The following AGAP1 variants were observed in gnomAD, a reference collection of about 807,000 sequenced individuals.
The protein encoded by AGAP1 is ArfGAP with GTPase domain, ankyrin repeat and PH domain 1, also known as arf-GAP with GTPase, ANK repeat and PH domain-containing protein 1.
Under a neutral mutation model 105.3 loss-of-function variants are expected in AGAP1, and 29 were observed. That is an observed-to-expected ratio of 0.28 (90% CI 0.21 to 0.38). The LOEUF (loss-of-function observed/expected upper bound fraction) is 0.38, where lower values mean the gene tolerates loss of function less well. Ranked by LOEUF, AGAP1 falls within the 10% of genes least tolerant of loss-of-function variation. The pLI, the probability that AGAP1 is intolerant of heterozygous loss-of-function variation, is 1.00. For missense variants in AGAP1, 998 were observed against 1,165.1 expected (o/e 0.86, Z 2.09); for synonymous variants, 509 against 485.9 (o/e 1.05, Z -0.63).
chr2:235,910,794 G>A (rs2125053677), intron 11 of AGAP1, among the ~76,000 whole-genome samples: 1 of 152,198 alleles, frequency 6.6e-6, no homozygotes, highest in East Asian at 1.9e-4. Context: ...ATGTGCGCCT[G>A]TAATTCCAGC....
intron 12 of AGAP1, among the ~76,000 whole-genome samples, chr2:235,952,468 G>A (rs2053778301): frequency 6.6e-6 from 1 of 152,100 alleles, no homozygotes; most frequent in African/African-American, 2.4e-5. Context: ...TACCAGATAG[G>A]TGCCCCAGGC....
Position 235,704,814 on chromosome 2 carries a change from G to T in AGAP1, c.164-4365G>T, listed in dbSNP as rs143345671. Reference sequence around the variant, plus strand: ...TCTGGCATTGCCAAGGAGGTCAAGGGGGACTTTCCCAAGTGTCCCGCTGTG... The same window carrying T: ...TCTGGCATTGCCAAGGAGGTCAAGGTGGACTTTCCCAAGTGTCCCGCTGTG... On this transcript the variant is annotated intron_variant, in intron 1 of 17. Coordinates refer to ENST00000304032, the MANE Select transcript of AGAP1 (RefSeq NM_001037131.3). 8.5e-4 allele frequency among the ~76,000 whole-genome samples: 130 copies of T among 152,232 alleles called. 1 individual carries two copies. The highest frequency in any genetic ancestry group is 2.9e-3 in the African/African-American group (121 of 41,550).
chr2:235,837,727 T>G (rs1200620217), intron 9 of AGAP1, among the ~76,000 whole-genome samples: 2 of 152,200 alleles, frequency 1.3e-5, no homozygotes, highest in Non-Finnish European at 2.9e-5. Flanking sequence ...ATGTAAACAC[T>G]AGACATTAAA....
chr2:236,102,457 T>A (rs1035960991), intron 16 of AGAP1, among the ~76,000 whole-genome samples: 20 of 142,626 alleles, frequency 1.4e-4, no homozygotes, highest in Admixed American at 1.3e-3. Flanking sequence ...GTGTGGTGGC[T>A]CATGCCTGTA....
chr2:235,672,593 T>TG (rs1381425515), intron 1 of AGAP1, among the ~76,000 whole-genome samples: 1 of 152,254 alleles, frequency 6.6e-6, no homozygotes, highest in African/African-American at 2.4e-5. Context: ...TGCACGAAGT[T>TG]GCTCCTGTCA....
intron 13 of AGAP1, among the ~76,000 whole-genome samples, chr2:235,985,463 A>G (rs1020031184): frequency 3.3e-5 from 5 of 151,946 alleles, no homozygotes; most frequent in Non-Finnish European, 5.9e-5. Flanking sequence ...ATTAGATCCC[A>G]TTTGTCAATT....
intron 1 of AGAP1, among the ~76,000 whole-genome samples, chr2:235,658,508 T>C (rs1261606182): frequency 6.6e-6 from 1 of 151,806 alleles, no homozygotes; most frequent in African/African-American, 2.4e-5. Flanking sequence ...CTCCCGGGGG[T>C]CGAGGTCAAG....
Position 235,552,300 on chromosome 2 carries a change from C to T in AGAP1, c.163+57451C>T, listed in dbSNP as rs950389894. ...AGACATTGGTGCCAAGAAATCCTAT[C>T]GGGGACATTTAATAACTGGAAGTAG... is the stretch of plus-strand genomic sequence containing the variant. On this transcript the variant is annotated intron_variant, in intron 1 of 17. Coordinates refer to ENST00000304032, the MANE Select transcript of AGAP1 (RefSeq NM_001037131.3). The surrounding 1 kb of genome is among the most constrained non-coding windows in gnomAD (Gnocchi z 5.9). 6.6e-6 allele frequency among the ~76,000 whole-genome samples: 1 copy of T among 152,158 alleles called. No individual in the cohort carries two copies.
intron 1 of AGAP1, among the ~76,000 whole-genome samples, chr2:235,637,354 C>T (rs1305623863): frequency 1.3e-5 from 2 of 152,140 alleles, no homozygotes; most frequent in Non-Finnish European, 2.9e-5. Context: ...CTCACTGCAG[C>T]CTCGACCTCC....
intron 16 of AGAP1, among the ~76,000 whole-genome samples, chr2:236,107,449 C>A (rs1406314581): frequency 6.6e-6 from 1 of 152,180 alleles, no homozygotes; most frequent in African/African-American, 2.4e-5. Flanking sequence ...ATTCCTCAGA[C>A]AGTCTCCATA....
chr2:235,547,460 G>A (rs1943664121), intron 1 of AGAP1, among the ~76,000 whole-genome samples: 1 of 151,038 alleles, frequency 6.6e-6, no homozygotes, highest in Admixed American at 6.6e-5. Flanking sequence ...CCGGGTTCAA[G>A]CGATTCTCCT....
rs541557542 is a variant in AGAP1 at position 235,678,921 on chromosome 2, C to T, written c.164-30258C>T. Among the ~76,000 whole-genome samples, 7 of 152,278 alleles carry T rather than the reference C, an allele frequency of 4.6e-5. No individual in the cohort carries two copies. In the East Asian group the frequency reaches 5.8e-4, roughly 13 times the overall value. ...TTCGCCATGTAGCCCCTCTCGATAC[C>T]GATGCCATTTGTCTTCTGGGCATCC... On this transcript the variant is annotated intron_variant, in intron 1 of 17. Transcript: ENST00000304032.
intron 13 of AGAP1, among the ~76,000 whole-genome samples, chr2:235,987,876 C>G (rs991140122): frequency 6.6e-6 from 1 of 152,060 alleles, no homozygotes; most frequent in Non-Finnish European, 1.5e-5. Flanking sequence ...TCCGTTCATG[C>G]GTAATACGGA....
chr2:235,503,511 T>C (rs1302708471), intron 1 of AGAP1, among the ~76,000 whole-genome samples: 1 of 152,192 alleles, frequency 6.6e-6, no homozygotes. Context: ...TCTCTGAGTG[T>C]CCATGTAGTA....
intron 6 of AGAP1, among the ~76,000 whole-genome samples, chr2:235,780,865 G>T (rs1272684533): frequency 6.6e-6 from 1 of 152,198 alleles, no homozygotes; most frequent in Non-Finnish European, 1.5e-5. Flanking sequence ...GGTATCTGCT[G>T]TGTAGCCTCT....
At chr2:235,684,317 T>C (rs1949262909) in intron 1 of AGAP1, among the ~76,000 whole-genome samples, 1 of 152,178 alleles carries the variant, frequency 6.6e-6, no homozygotes, top group Non-Finnish European at 1.5e-5. Context: ...GTGCTGGGAT[T>C]ACAGGTGTGA....
intron 1 of AGAP1, among the ~76,000 whole-genome samples, chr2:235,521,851 G>A (rs1479596970): frequency 1.3e-5 from 2 of 151,594 alleles, no homozygotes; most frequent in Non-Finnish European, 2.9e-5. Context: ...GTATTTTTGG[G>A]ATAGATGCCT....
rs1052782221 is a variant in AGAP1 at position 235,559,570 on chromosome 2, C to T, written c.163+64721C>T. On this transcript the variant is annotated intron_variant, in intron 1 of 17. Coordinates refer to ENST00000304032, the MANE Select transcript of AGAP1 (RefSeq NM_001037131.3). This position sits in a 1 kb window ranked among gnomAD's most constrained non-coding sequence, Gnocchi z 5.7. Reference sequence around the variant, plus strand: ...AAATAGAAAGCTAAAGGATATCCCTCATGATCCCTCATCCAGATCCCCAGA... The same window carrying T: ...AAATAGAAAGCTAAAGGATATCCCTTATGATCCCTCATCCAGATCCCCAGA... Among the ~76,000 whole-genome samples, 3 of 152,184 alleles carry T rather than the reference C, an allele frequency of 2.0e-5. No individual in the cohort carries two copies. The highest frequency in any genetic ancestry group is 7.2e-5 in the African/African-American group (3 of 41,438).
chr2:235,534,729 A>T (rs1033702829), intron 1 of AGAP1, among the ~76,000 whole-genome samples: 6 of 152,106 alleles, frequency 3.9e-5, no homozygotes, highest in Non-Finnish European at 8.8e-5. Context: ...GGACACGGGG[A>T]TAGTGGTAGT....
Sources: gnomAD v4.1 joint callset for allele counts (sites outside exome capture counted in the v4.1 genomes callset) on GRCh38, gnomAD v4.1.1 for gene constraint, Gnocchi (gnomAD v3.1) non-coding constraint, MANE v1.5 for transcripts, NCBI Gene and HGNC (gene_info 2026-07-23, HGNC 2026-07-21) for gene names.